Variants in SDHC observed in about 807,000 individuals in gnomAD.
SDHC encodes succinate dehydrogenase cytochrome b560 subunit, mitochondrial.
Under a neutral mutation model 22.6 loss-of-function variants are expected in SDHC, and 11 were observed. That is an observed-to-expected ratio of 0.49 (90% CI 0.31 to 0.81). The LOEUF is 0.81. Ranked by LOEUF, SDHC falls within the 30% of genes least tolerant of loss-of-function variation. SDHC has a pLI of 0.05. For synonymous variants in SDHC, 80 were observed against 77.8 expected (o/e 1.03, Z -0.15); for missense variants, 160 against 212.0 (o/e 0.75, Z 1.52).
At chr1:161,330,789 C>T (rs992727862) in intron 3 of SDHC, among the ~76,000 whole-genome samples, 2 of 152,058 alleles carry the variant, frequency 1.3e-5, no homozygotes, top group African/African-American at 4.8e-5. Context: ...TTCCTGAGCT[C>T]AGGGGTTTGA....
At chr1:161,316,900 A>G (rs1458022930) in intron 1 of SDHC, among the ~76,000 whole-genome samples, 1 of 152,116 alleles carries the variant, frequency 6.6e-6, no homozygotes, top group African/African-American at 2.4e-5. Context: ...CATTGATTCC[A>G]TGATTTTGGT....
At position 161,356,528 on chromosome 1, in the gene SDHC, G is replaced by A. The variant is rs1672279230; in HGVS notation, c.242-149G>A. 4 of 821,812 alleles carry A rather than the reference G, an allele frequency of 4.9e-6. No individual in the cohort carries two copies. The Admixed American group carries it at 6.2e-5, about 13-fold the overall frequency. 50.9% of individuals were successfully genotyped at this position (821,812 alleles called of 1,614,324 possible). A position where few individuals can be genotyped will look rare whatever the true frequency, so the allele number is the denominator to read the frequency against. On this transcript the variant is annotated intron_variant, in intron 4 of 5. Transcript: ENST00000367975. Reference sequence around the variant, plus strand: ...TACTCCAGCCTGGGTGACAGAATGAGACTCTGTCTCAAGAAAAAAAGAAAA... The same window carrying A: ...TACTCCAGCCTGGGTGACAGAATGAAACTCTGTCTCAAGAAAAAAAGAAAA...
chr1:161,326,984 T>C (rs2102304161), intron 2 of SDHC, among the ~76,000 whole-genome samples: 1 of 152,186 alleles, frequency 6.6e-6, no homozygotes, highest in East Asian at 1.9e-4. Context: ...AGTGCCATGA[T>C]GCAATCACAG....
At chr1:161,333,401 CTTTTTT>C (rs71581410) in intron 3 of SDHC, among the ~76,000 whole-genome samples, 2 of 130,422 alleles carry the variant, frequency 1.5e-5, no homozygotes, top group Admixed American at 7.9e-5. Context: ...CTATGTTTAA[CTTTTTT>C]TTTTTTTTTT....
intron 1 of SDHC, among the ~76,000 whole-genome samples, chr1:161,315,760 C>T (rs148345008): frequency 0.021 from 3,134 of 151,700 alleles, 102 homozygotes; most frequent in African/African-American, 0.072. Flanking sequence ...TTAGGTGGAA[C>T]GAGAGACTTG....
intron 5 of SDHC, among the ~76,000 whole-genome samples, chr1:161,362,099 A>G (rs983508479): frequency 2.0e-5 from 3 of 152,138 alleles, no homozygotes; most frequent in African/African-American, 4.8e-5. Context: ...TCCTCCTACC[A>G]TCACCACACA....
rs961564940 is a variant in SDHC at position 161,331,966 on chromosome 1, TTTTG to T, written c.179+3485_179+3488del. 2.6e-5 allele frequency among the ~76,000 whole-genome samples: 4 copies of T among 152,088 alleles called. No individual in the cohort carries two copies. The East Asian group carries it at 5.8e-4, about 22-fold the overall frequency. ...TTTCCCAAATCATTAAGTCCTGTTT[TTTTG>T]TTTGTTTGTTTGTTTTATTTAAGAG... On this transcript the variant is annotated intron_variant, in intron 3 of 5. Transcript: ENST00000367975.
chr1:161,318,152 A>G (rs1670697042), intron 1 of SDHC, among the ~76,000 whole-genome samples: 1 of 151,130 alleles, frequency 6.6e-6, no homozygotes, highest in African/African-American at 2.5e-5. Flanking sequence ...AGCCTGGGCA[A>G]CAGAGCAAGA....
chr1:161,350,223 T>A (rs1050818519), intron 4 of SDHC, among the ~76,000 whole-genome samples: 2 of 152,162 alleles, frequency 1.3e-5, no homozygotes, highest in African/African-American at 4.8e-5. Flanking sequence ...TTTTAAACAA[T>A]TTTTTAAAAA....
intron 1 of SDHC, among the ~76,000 whole-genome samples, chr1:161,317,868 T>A (rs1444422364): frequency 6.6e-6 from 1 of 151,352 alleles, no homozygotes; most frequent in Non-Finnish European, 1.5e-5. Flanking sequence ...TGTAACAACA[T>A]AATAACATAA....
chr1:161,335,905 C>A lies in SDHC; in HGVS notation c.180-4689C>A, dbSNP rs141618311. Among the ~76,000 whole-genome samples, 234 of 152,152 alleles carry A rather than the reference C, an allele frequency of 1.5e-3. 2 individuals carry two copies. The highest frequency in any genetic ancestry group is 2.7e-3 in the Non-Finnish European group (183 of 68,014). On this transcript the variant is annotated intron_variant, in intron 3 of 5. Transcript: ENST00000367975. ...TTTGCTGATGTCTTTGAAGATAAGT[C>A]CCTGTAAATCTGCTTTTTGTTTTTT...
intron 2 of SDHC, among the ~76,000 whole-genome samples, chr1:161,328,086 C>G (rs1558167077): frequency 6.6e-6 from 1 of 151,670 alleles, no homozygotes; most frequent in African/African-American, 2.4e-5. Context: ...TCACCGCAAC[C>G]TCTGCCTCCT....
chr1:161,342,119 G>A (rs1671739040), intron 4 of SDHC, among the ~76,000 whole-genome samples: 1 of 152,158 alleles, frequency 6.6e-6, no homozygotes, highest in Non-Finnish European at 1.5e-5. Flanking sequence ...GCATTTCTGT[G>A]TGATGTGATT....
At chr1:161,350,919 T>A (rs1342940087) in intron 4 of SDHC, among the ~76,000 whole-genome samples, 3 of 152,080 alleles carry the variant, frequency 2.0e-5, no homozygotes, top group African/African-American at 7.2e-5. Context: ...GGGTTTGACC[T>A]GCCTCTTGGG....
intron 4 of SDHC, among the ~76,000 whole-genome samples, chr1:161,353,773 A>G (rs1399076757): frequency 2.0e-5 from 3 of 152,214 alleles, no homozygotes; most frequent in African/African-American, 7.2e-5. Flanking sequence ...GCTTGAGCCC[A>G]GGAGTTAGAG....
chr1:161,334,572 G>A (rs1671401073), intron 3 of SDHC, among the ~76,000 whole-genome samples: 1 of 152,000 alleles, frequency 6.6e-6, no homozygotes, highest in Admixed American at 6.6e-5. Context: ...CCAAGTACCT[G>A]GGACTATAGG....
At chr1:161,321,486 T>C (rs1384191749) in intron 1 of SDHC, among the ~76,000 whole-genome samples, 2 of 152,172 alleles carry the variant, frequency 1.3e-5, no homozygotes, top group East Asian at 3.8e-4. Context: ...ATCTGCAAAC[T>C]CTTGCTGGGT....
chr1:161,334,080 A>G (rs74127624), intron 3 of SDHC, among the ~76,000 whole-genome samples: 5,390 of 152,270 alleles, frequency 0.035, 192 homozygotes, highest in East Asian at 0.17. Context: ...AAGTTTGACA[A>G]GATCTCCCTG....
intron 4 of SDHC, among the ~76,000 whole-genome samples, chr1:161,346,984 T>C (rs1474400426): frequency 6.6e-6 from 1 of 152,224 alleles, no homozygotes; most frequent in Non-Finnish European, 1.5e-5. Flanking sequence ...GTGTACGTTT[T>C]CAGTACAGAT....
Sources: gnomAD v4.1 joint callset for allele counts (sites outside exome capture counted in the v4.1 genomes callset) on GRCh38, gnomAD v4.1.1 for gene constraint, MANE v1.5 for transcripts, NCBI Gene and HGNC (gene_info 2026-07-23, HGNC 2026-07-21) for gene names.